The following FBXL17 variants were observed in gnomAD, a reference collection of about 807,000 sequenced individuals.
FBXL17 encodes F-box/LRR-repeat protein 17.
Under a neutral mutation model 66.2 loss-of-function variants are expected in FBXL17, and 22 were observed. The ratio of observed to expected loss-of-function variants is 0.33; its 90% CI spans 0.24 to 0.47. The LOEUF (loss-of-function observed/expected upper bound fraction) is 0.47, where lower values mean the gene tolerates loss of function less well. Ranked by LOEUF, FBXL17 falls within the 20% of genes least tolerant of loss-of-function variation. The pLI, the probability that FBXL17 is intolerant of heterozygous loss-of-function variation, is 1.00. For synonymous variants in FBXL17, 474 were observed against 400.5 expected, an observed-to-expected ratio of 1.18 and a Z score of -2.19; for missense variants, 878 against 948.2, an observed-to-expected ratio of 0.93 and a Z score of 0.97.
intron 1 of FBXL17, among the ~76,000 whole-genome samples, chr5:108,373,234 T>TAATATATATCTAAATATATTAATATA (rs1749164041): frequency 7.3e-6 from 1 of 136,532 alleles, no homozygotes; most frequent in African/African-American, 2.5e-5. Context: ...AATATAAATA[T>TAATATATATCTAAATATATTAATATA]AATATATATC....
At chr5:108,277,188 T>C (rs1757517529) in intron 4 of FBXL17, among the ~76,000 whole-genome samples, 1 of 152,168 alleles carries the variant, frequency 6.6e-6, no homozygotes, top group South Asian at 2.1e-4. Flanking sequence ...TTTGTTAAAC[T>C]CAACTAACCT....
At chr5:107,880,060 CAG>C (rs775863529) in intron 8 of FBXL17, 30 of 315,876 alleles carry the variant, frequency 9.5e-5, no homozygotes, top group Non-Finnish European at 1.4e-4. Context: ...GCCTGGTGTC[CAG>C]TATAGGTTTT....
At chr5:108,178,555 CATT>C (rs2150024263) in intron 6 of FBXL17, among the ~76,000 whole-genome samples, 1 of 152,298 alleles carries the variant, frequency 6.6e-6, no homozygotes, top group East Asian at 1.9e-4. Flanking sequence ...AAATATATTT[CATT>C]ATTCTTTTTG....
At chr5:108,373,322 T>G (rs968383904) in intron 1 of FBXL17, among the ~76,000 whole-genome samples, 17 of 91,842 alleles carry the variant, frequency 1.9e-4, no homozygotes, top group Non-Finnish European at 3.0e-4. Flanking sequence ...ATATTAAATT[T>G]TTATTAATAT....
rs1469050608 is a variant in FBXL17 at position 107,932,723 on chromosome 5, C to T, written c.1823-51544G>A. On this transcript the variant is annotated intron_variant, in intron 7 of 8. Transcript: ENST00000542267. ...TTTATTTCTAAATAAGAGTTATTAC[C>T]TGTTAAAATATGTTTAAAGAGATAC... 3.3e-5 allele frequency among the ~76,000 whole-genome samples: 5 copies of T among 151,922 alleles called. No homozygotes were observed. In the East Asian group the frequency reaches 9.6e-4, roughly 29 times the overall value.
intron 4 of FBXL17, among the ~76,000 whole-genome samples, chr5:108,247,021 AT>A (rs1047063640): frequency 1.8e-4 from 28 of 152,306 alleles, no homozygotes; most frequent in African/African-American, 6.5e-4. Context: ...ATGTAATTCA[AT>A]TCACAAATGT....
intron 7 of FBXL17, among the ~76,000 whole-genome samples, chr5:107,959,381 AAC>A (rs57041975): frequency 0.021 from 3,088 of 147,962 alleles, 73 homozygotes; most frequent in African/African-American, 0.055. Context: ...GGCTGCTATA[AAC>A]ACACACACAC....
At chr5:108,035,972 C>T (rs1746825682) in intron 6 of FBXL17, among the ~76,000 whole-genome samples, 1 of 152,166 alleles carries the variant, frequency 6.6e-6, no homozygotes, top group Admixed American at 6.5e-5. Context: ...AAACCAAAGT[C>T]TAATTTTTTT....
intron 4 of FBXL17, among the ~76,000 whole-genome samples, chr5:108,227,132 C>T (rs958363035): frequency 6.6e-6 from 1 of 152,088 alleles, no homozygotes; most frequent in Non-Finnish European, 1.5e-5. Flanking sequence ...TTGAGTATTA[C>T]AATCCCAAGT....
chr5:108,009,284 T>TAGATAGATAG lies in FBXL17; in HGVS notation c.1822+11640_1822+11641insCTATCTATCT, dbSNP rs1191647313. The stretch of plus-strand genomic sequence containing the variant: ...TTTTATATATATATATATATATATA[T>TAGATAGATAG]ATATATATATATATATACATATATA... On this transcript the variant is annotated intron_variant, in intron 7 of 8. Transcript: ENST00000542267. Among the ~76,000 whole-genome samples the TAGATAGATAG allele has an allele frequency of 5.8e-3, 143 of 24,550 alleles. 17 individuals carry two copies. The highest frequency in any genetic ancestry group is 9.0e-3 in the African/African-American group (64 of 7,136). The allele number at this position is 24,550 out of a possible 152,430, so 16.1% of individuals were successfully genotyped here.
intron 6 of FBXL17, among the ~76,000 whole-genome samples, chr5:108,039,489 T>C (rs548851188): frequency 6.6e-6 from 1 of 152,166 alleles, no homozygotes; most frequent in South Asian, 2.1e-4. Flanking sequence ...TTGATAAGTG[T>C]TTATATAGGC....
At chr5:108,287,437 C>T (rs1209891227) in intron 4 of FBXL17, among the ~76,000 whole-genome samples, 1 of 151,618 alleles carries the variant, frequency 6.6e-6, no homozygotes, top group Non-Finnish European at 1.5e-5. Context: ...GCAAACAATC[C>T]CATTAAAAAG....
chr5:107,923,613 GCTC>G (rs1337324852), intron 7 of FBXL17, among the ~76,000 whole-genome samples: 1 of 152,110 alleles, frequency 6.6e-6, no homozygotes, highest in East Asian at 1.9e-4. Flanking sequence ...CTGAAAAGCT[GCTC>G]CTTTTTAAAG....
chr5:108,288,069 C>T (rs1243697531), intron 4 of FBXL17, among the ~76,000 whole-genome samples: 1 of 151,858 alleles, frequency 6.6e-6, no homozygotes, highest in Non-Finnish European at 1.5e-5. Flanking sequence ...CCACTGAGTA[C>T]ATATGAACAT....
chr5:107,960,235 C>CT (rs897279549), intron 7 of FBXL17, among the ~76,000 whole-genome samples: 15 of 151,792 alleles, frequency 9.9e-5, no homozygotes, highest in Non-Finnish European at 1.9e-4. Flanking sequence ...TACTCTTTCT[C>CT]TTTTTTTTAA....
At chr5:108,223,580 T>G (rs1754967074) in intron 5 of FBXL17, among the ~76,000 whole-genome samples, 1 of 152,192 alleles carries the variant, frequency 6.6e-6, no homozygotes, top group Admixed American at 6.5e-5. Flanking sequence ...CACATCGCAG[T>G]AGAGATGACA....
chr5:108,308,447 G>A (rs1758958695), intron 4 of FBXL17, among the ~76,000 whole-genome samples: 1 of 152,018 alleles, frequency 6.6e-6, no homozygotes, highest in South Asian at 2.1e-4. Context: ...AGGGTGGAAT[G>A]GAAATTCAAA....
chr5:107,942,781 A>G (rs1751154172), intron 7 of FBXL17, among the ~76,000 whole-genome samples: 1 of 151,122 alleles, frequency 6.6e-6, no homozygotes, highest in African/African-American at 2.4e-5. Context: ...TGAAAAGAAA[A>G]AAAAAAAAAA....
In FBXL17 at chr5:108,257,807, G is replaced by A. The variant is rs187010970; in HGVS notation, c.1507-33579C>T. On this transcript the variant is annotated intron_variant, in intron 4 of 8. Transcript: ENST00000542267. The stretch of plus-strand genomic sequence containing the variant: ...ATCTTAAATTGTTCACATACATATT[G>A]TATTATAATTTTTTTGAAAGAAAGA... 2.8e-3 allele frequency among the ~76,000 whole-genome samples: 420 copies of A among 152,210 alleles called. 1 individual carries two copies. The highest frequency in any genetic ancestry group is 5.1e-3 in the Non-Finnish European group (350 of 68,010).
Sources: allele counts gnomAD v4.1 joint callset (sites outside exome capture counted in the v4.1 genomes callset), GRCh38; gene constraint gnomAD v4.1.1; transcripts MANE v1.5; gene names NCBI Gene and HGNC (gene_info 2026-07-23, HGNC 2026-07-21).